The following UNC13C variants were observed in gnomAD, a reference collection of about 807,000 sequenced individuals.
UNC13C encodes the protein protein unc-13 homolog C.
In UNC13C, 174 loss-of-function variants were observed where a neutral mutation model predicts 245.4. That is an observed-to-expected ratio of 0.71 (90% CI 0.63 to 0.80). UNC13C has a LOEUF of 0.80. Among genes scored for constraint, UNC13C ranks in the 30% least tolerant of loss-of-function variants. The pLI is 0.00. For synonymous variants in UNC13C, 992 were observed against 895.1 expected, an observed-to-expected ratio of 1.11 and a Z score of -1.93; for missense variants, 2,829 against 2,602.9, an observed-to-expected ratio of 1.09 and a Z score of -1.89.
At chr15:53,863,405 G>A in the UNC13C span, among the ~76,000 whole-genome samples, 2 of 152,236 alleles carry the variant, frequency 1.3e-5, no homozygotes, top group East Asian at 3.9e-4. Context: ...TCTTTCTAAA[G>A]ATCAACTTTG....
At chr15:54,291,711 T>C (rs1018585953) in intron 10 of UNC13C, among the ~76,000 whole-genome samples, 1 of 151,992 alleles carries the variant, frequency 6.6e-6, no homozygotes, top group African/African-American at 2.4e-5. Flanking sequence ...CTGAGATTTA[T>C]AGAAGTTAAG....
chr15:54,078,787 A>G (rs920932875), intron 2 of UNC13C, among the ~76,000 whole-genome samples: 45 of 151,830 alleles, frequency 3.0e-4, no homozygotes, highest in African/African-American at 1.0e-3. Flanking sequence ...TCCTCTGTTA[A>G]TTGTTTCTTT....
chr15:54,247,671 G>A (rs367786282), intron 7 of UNC13C, among the ~76,000 whole-genome samples: 2 of 151,894 alleles, frequency 1.3e-5, no homozygotes, highest in East Asian at 3.9e-4. Flanking sequence ...ATGTTTTAAT[G>A]TTTTTCTCTA....
At chr15:53,999,902 A>AAATGTCTTTTTAT (rs1894808048) in intron 1 of UNC13C, among the ~76,000 whole-genome samples, 2 of 151,992 alleles carry the variant, frequency 1.3e-5, no homozygotes, top group African/African-American at 4.8e-5. Context: ...TGGTCACGAT[A>AAATGTCTTTTTAT]TATGCTCTGT....
chr15:54,490,619 GTAGAGGC>G (rs1893654397), intron 19 of UNC13C, among the ~76,000 whole-genome samples: 1 of 151,766 alleles, frequency 6.6e-6, no homozygotes, highest in East Asian at 1.9e-4. Context: ...TTTCCAAAGT[GTAGAGGC>G]TACTGCATTG....
At chr15:54,330,744 C>G (rs1360544183) in intron 14 of UNC13C, among the ~76,000 whole-genome samples, 1 of 152,032 alleles carries the variant, frequency 6.6e-6, no homozygotes, top group African/African-American at 2.4e-5. Flanking sequence ...TATAGCTTGC[C>G]TCATCCCCTG....
At chr15:53,982,436 T>C (rs1325787027) in intron 1 of UNC13C, among the ~76,000 whole-genome samples, 1 of 152,096 alleles carries the variant, frequency 6.6e-6, no homozygotes, top group Non-Finnish European at 1.5e-5. Context: ...ATTTCCTTTA[T>C]AGGTGGGAAG....
intron 30 of UNC13C, among the ~76,000 whole-genome samples, chr15:54,615,099 T>C (rs761370285): frequency 6.6e-6 from 1 of 152,022 alleles, no homozygotes; most frequent in African/African-American, 2.4e-5. Context: ...TTAGCCACTT[T>C]TTAAATTTTT....
chr15:54,548,035 A>G (rs1271802916), intron 27 of UNC13C, among the ~76,000 whole-genome samples: 1 of 152,062 alleles, frequency 6.6e-6, no homozygotes. Context: ...TAAAAAGGAA[A>G]AAAGAGGAGA....
the UNC13C span, among the ~76,000 whole-genome samples, chr15:53,854,122 G>GTTTTTTTGTTTTTTTTTTTTTT: frequency 7.5e-6 from 1 of 133,576 alleles, no homozygotes; most frequent in African/African-American, 2.8e-5. Flanking sequence ...GTTTTTATAG[G>GTTTTTTTGTTTTTTTTTTTTTT]TTTTTTTTTT....
rs117315251 is a variant in UNC13C at position 54,358,742 on chromosome 15, A to T, written c.4713+20253A>T. Among the ~76,000 whole-genome samples, 297 of 152,060 alleles carry T rather than the reference A, an allele frequency of 2.0e-3. 1 individual carries two copies. Among genetic ancestry groups the T allele is most frequent in the Admixed American group, 0.014 (206 of 15,248 alleles). On this transcript the variant is annotated intron_variant, in intron 17 of 32. Coordinates refer to ENST00000260323, the MANE Select transcript of UNC13C (RefSeq NM_001080534.3). ...AGTCTTTGGGATTTTCTGTATTTTTAATCATGCTGTCCTCAAACAGGGATA... is the reference window on the plus strand; with the variant it reads ...AGTCTTTGGGATTTTCTGTATTTTTTATCATGCTGTCCTCAAACAGGGATA...
rs768912549 is a variant in UNC13C, at chr15:54,294,084, A to G, written c.3988+20A>G. On this transcript the variant is annotated intron_variant, in intron 11 of 32. Transcript: ENST00000260323. ...ACTTAGGTGATTTTTTTTTTTATCT[A>G]CTTGAAAACGAGTTAAATAAAACCC... 3 of 1,485,344 alleles carry G rather than the reference A, an allele frequency of 2.0e-6. No homozygotes were observed. The highest frequency in any genetic ancestry group is 2.5e-5 in the Admixed American group (1 of 39,268). 92.0% of individuals were successfully genotyped at this position (1,485,344 alleles called of 1,614,324 possible).
chr15:54,075,350 C>A (rs59386706), intron 2 of UNC13C, among the ~76,000 whole-genome samples: 1 of 151,104 alleles, frequency 6.6e-6, no homozygotes, highest in Non-Finnish European at 1.5e-5. Context: ...CCAGGCCTGG[C>A]GGCAGGTGCC....
the UNC13C span, among the ~76,000 whole-genome samples, chr15:53,864,429 C>G: frequency 6.6e-6 from 1 of 152,172 alleles, no homozygotes; most frequent in Non-Finnish European, 1.5e-5. Context: ...CATTCTTTCT[C>G]TTAACCTCTT....
chr15:54,085,089 C>T (rs1253334496), intron 2 of UNC13C, among the ~76,000 whole-genome samples: 1 of 151,972 alleles, frequency 6.6e-6, no homozygotes, highest in Non-Finnish European at 1.5e-5. Context: ...CTTCTGCTAA[C>T]AGTATTGGTA....
At chr15:53,859,187 A>G in the UNC13C span, among the ~76,000 whole-genome samples, 976 of 152,306 alleles carry the variant, frequency 6.4e-3, 6 homozygotes, top group Non-Finnish European at 9.6e-3. Flanking sequence ...TAATATTTTA[A>G]TGTTAATTTA....
At chr15:54,043,132 A>G (rs1051003424) in intron 2 of UNC13C, among the ~76,000 whole-genome samples, 1 of 152,200 alleles carries the variant, frequency 6.6e-6, no homozygotes, top group Non-Finnish European at 1.5e-5. Context: ...GGGTTTTGAA[A>G]TCATACATTT....
chr15:54,120,705 G>A (rs1208433228), intron 2 of UNC13C, among the ~76,000 whole-genome samples: 1 of 151,936 alleles, frequency 6.6e-6, no homozygotes, highest in African/African-American at 2.4e-5. Context: ...TGTCATTAAG[G>A]CCATTTGTGA....
At chr15:54,434,334 C>G (rs1424653232) in intron 19 of UNC13C, among the ~76,000 whole-genome samples, 1 of 152,094 alleles carries the variant, frequency 6.6e-6, no homozygotes, top group East Asian at 1.9e-4. Flanking sequence ...TGACATCAAA[C>G]TATACTACAA....
Sources: allele counts gnomAD v4.1 joint callset (sites outside exome capture counted in the v4.1 genomes callset), GRCh38; gene constraint gnomAD v4.1.1; transcripts MANE v1.5; gene names NCBI Gene and HGNC (gene_info 2026-07-23, HGNC 2026-07-21).